The following HTR7 variants were observed in gnomAD, a reference collection of about 807,000 sequenced individuals.
HTR7 encodes 5-HT-7.
HTR7 carries 16 observed loss-of-function variants against 34.0 expected under a neutral mutation model. That is an observed-to-expected ratio of 0.47 (90% CI 0.32 to 0.71). The LOEUF (loss-of-function observed/expected upper bound fraction) is 0.71. HTR7 is among the 30% of genes least tolerant of loss of function. The pLI is 0.04. For synonymous variants in HTR7, 265 were observed against 260.2 expected (o/e 1.02, Z -0.18); for missense variants, 504 against 625.5 (o/e 0.81, Z 2.07).
Position 90,810,155 on chromosome 10 carries a change from G to T in HTR7, c.539+46978C>A, listed in dbSNP as rs542628701. On this transcript the variant is annotated intron_variant, in intron 1 of 3. Transcript: ENST00000336152. ...ATACTCTTTTAAGCACTCCTTTTTA[G>T]TTATCCCCACCTGCCCAGTTCCCTT... Among the ~76,000 whole-genome samples, 181 of 152,076 alleles carry T rather than the reference G, an allele frequency of 1.2e-3. 1 individual carries two copies. Among genetic ancestry groups the T allele is most frequent in the African/African-American group, 4.2e-3 (173 of 41,474 alleles).
rs551066622 is a variant in HTR7 at position 90,744,000 on chromosome 10, C to G, written c.1296-310G>C. 2.9e-5 allele frequency: 15 copies of G among 523,492 alleles called. 1 individual carries two copies. The highest frequency in any genetic ancestry group is 2.3e-4 in the South Asian group (14 of 61,894). 32.4% of individuals were successfully genotyped at this position (523,492 alleles called of 1,614,324 possible). A position where few individuals can be genotyped will look rare whatever the true frequency, so the allele number is the denominator to read the frequency against. On this transcript the variant is annotated intron_variant, in intron 2 of 3. Coordinates refer to ENST00000336152, the MANE Select transcript of HTR7 (RefSeq NM_019859.4). ...GTAAATATTTGGGAGTAGGAACAGT[C>G]TTACAGGTTTGTACAGGAAAGAAAG...
intron 1 of HTR7, among the ~76,000 whole-genome samples, chr10:90,856,611 T>G (rs1357254285): frequency 6.6e-6 from 1 of 152,184 alleles, no homozygotes; most frequent in Admixed American, 6.5e-5. Context: ...CAAGCAAGAA[T>G]GCGATTCCGA....
At chr10:90,807,471 T>C (rs1845722328) in intron 1 of HTR7, among the ~76,000 whole-genome samples, 1 of 152,154 alleles carries the variant, frequency 6.6e-6, no homozygotes, top group African/African-American at 2.4e-5. Context: ...CTGATGACAT[T>C]GTCTTGTGAA....
At chr10:90,767,429 C>T (rs947749738) in intron 1 of HTR7, among the ~76,000 whole-genome samples, 5 of 152,174 alleles carry the variant, frequency 3.3e-5, no homozygotes, top group Admixed American at 2.0e-4. Context: ...TATGAATTCT[C>T]GTTAGCTTCT....
intron 1 of HTR7, among the ~76,000 whole-genome samples, chr10:90,825,752 C>A (rs937918455): frequency 1.4e-4 from 22 of 151,898 alleles, no homozygotes; most frequent in African/African-American, 5.1e-4. Flanking sequence ...CAGAACTGAC[C>A]AAGTATCAGA....
chr10:90,848,074 T>TC (rs1169630448), intron 1 of HTR7, among the ~76,000 whole-genome samples: 47 of 148,684 alleles, frequency 3.2e-4, no homozygotes, highest in African/African-American at 1.2e-3. Flanking sequence ...TTGTTCTTTT[T>TC]TTTTTTTTTT....
intron 1 of HTR7, among the ~76,000 whole-genome samples, chr10:90,814,346 T>C (rs778875540): frequency 6.6e-6 from 1 of 152,208 alleles, no homozygotes; most frequent in Non-Finnish European, 1.5e-5. Context: ...AATGCTGTGG[T>C]TATAGGGGCT....
At chr10:90,823,035 G>C (rs560995079) in intron 1 of HTR7, among the ~76,000 whole-genome samples, 4 of 152,354 alleles carry the variant, frequency 2.6e-5, no homozygotes, top group African/African-American at 9.6e-5. Flanking sequence ...TCTACTGCAG[G>C]GGCAAAGCCC....
chr10:90,760,834 T>C (rs925665572), intron 1 of HTR7, among the ~76,000 whole-genome samples: 3 of 152,118 alleles, frequency 2.0e-5, no homozygotes, highest in Non-Finnish European at 4.4e-5. Flanking sequence ...TGAGCCGAGA[T>C]TGCGCCACTG....
intron 1 of HTR7, among the ~76,000 whole-genome samples, chr10:90,759,080 G>A (rs549603418): frequency 2.8e-4 from 43 of 151,932 alleles, no homozygotes; most frequent in Non-Finnish European, 5.4e-4. Context: ...CCAGCTACTC[G>A]GGAGGCTGAG....
At chr10:90,767,249 G>C (rs990130050) in intron 1 of HTR7, among the ~76,000 whole-genome samples, 4 of 152,162 alleles carry the variant, frequency 2.6e-5, no homozygotes, top group Non-Finnish European at 4.4e-5. Context: ...GGTTAGGTGG[G>C]GCCTAGGGGT....
intron 1 of HTR7, among the ~76,000 whole-genome samples, chr10:90,780,760 C>T (rs1249382922): frequency 6.6e-6 from 1 of 152,140 alleles, no homozygotes; most frequent in Admixed American, 6.6e-5. Context: ...AAATCAAACT[C>T]TCCACATGTA....
intron 1 of HTR7, among the ~76,000 whole-genome samples, chr10:90,782,294 A>G (rs913410498): frequency 6.6e-6 from 1 of 152,208 alleles, no homozygotes; most frequent in Non-Finnish European, 1.5e-5. Context: ...TGAGCAAACC[A>G]TTGACCCCCG....
At position 90,843,545 on chromosome 10, in the gene HTR7, G is replaced by C. The variant is rs551261911; in HGVS notation, c.539+13588C>G. ...AGAGCTAGAAGAATATTCCAGGGGAGACATGAATAGATGTGTGAAGACCCA... is the reference window on the plus strand; with the variant it reads ...AGAGCTAGAAGAATATTCCAGGGGACACATGAATAGATGTGTGAAGACCCA... On this transcript the variant is annotated intron_variant, in intron 1 of 3. Coordinates refer to ENST00000336152, the MANE Select transcript of HTR7 (RefSeq NM_019859.4). 2.7e-3 allele frequency among the ~76,000 whole-genome samples: 406 copies of C among 152,320 alleles called. 1 individual carries two copies. The highest frequency in any genetic ancestry group is 0.01 in the Middle Eastern group (3 of 294).
intron 1 of HTR7, among the ~76,000 whole-genome samples, chr10:90,765,019 T>C (rs1474395690): frequency 6.6e-6 from 1 of 152,172 alleles, no homozygotes; most frequent in Non-Finnish European, 1.5e-5. Context: ...CATCCAACTA[T>C]GGTATCAAGG....
At chr10:90,826,214 G>GA (rs904395298) in intron 1 of HTR7, among the ~76,000 whole-genome samples, 8 of 150,808 alleles carry the variant, frequency 5.3e-5, no homozygotes, top group African/African-American at 1.2e-4. Context: ...AAATACTAAA[G>GA]AAAAAAAAAC....
At chr10:90,768,882 T>C (rs1407588780) in intron 1 of HTR7, among the ~76,000 whole-genome samples, 1 of 152,208 alleles carries the variant, frequency 6.6e-6, no homozygotes, top group East Asian at 1.9e-4. Context: ...TAAAACTTAG[T>C]GGCTGTCAGT....
chr10:90,801,325 A>G (rs1227339551), intron 1 of HTR7, among the ~76,000 whole-genome samples: 2 of 152,176 alleles, frequency 1.3e-5, no homozygotes, highest in Non-Finnish European at 2.9e-5. Flanking sequence ...TCTATCTTCC[A>G]TTAGATTTGA....
chr10:90,806,547 C>T (rs941663592), intron 1 of HTR7, among the ~76,000 whole-genome samples: 4 of 151,712 alleles, frequency 2.6e-5, no homozygotes, highest in Non-Finnish European at 4.4e-5. Flanking sequence ...TGTAGTGAGC[C>T]GAGATCACGC....
Sources: gnomAD v4.1 joint callset for allele counts (sites outside exome capture counted in the v4.1 genomes callset) on GRCh38, gnomAD v4.1.1 for gene constraint, MANE v1.5 for transcripts, NCBI Gene and HGNC (gene_info 2026-07-23, HGNC 2026-07-21) for gene names.